ANGPTL2: variants seen among roughly 807,000 people sequenced by gnomAD.
ANGPTL2 encodes angiopoietin-related protein 2.
ANGPTL2 carries 25 observed loss-of-function variants against 52.8 expected under a neutral mutation model. The observed-to-expected ratio is 0.47, with a 90% CI of 0.35 to 0.66. The LOEUF (loss-of-function observed/expected upper bound fraction) is 0.66, where lower values mean the gene tolerates loss of function less well. Among genes scored for constraint, ANGPTL2 ranks in the 30% least tolerant of loss-of-function variants. The pLI is 0.01. For missense variants in ANGPTL2, 546 were observed against 656.9 expected, an observed-to-expected ratio of 0.83 and a Z score of 1.84; for synonymous variants, 276 against 277.4, an observed-to-expected ratio of 1.00 and a Z score of 0.05.
intron 3 of ANGPTL2, among the ~76,000 whole-genome samples, chr9:127,092,571 A>G (rs1033094865): frequency 1.3e-5 from 2 of 152,102 alleles, no homozygotes; most frequent in Non-Finnish European, 2.9e-5. Context: ...ATGTGCTGGC[A>G]CTGTTTTAAG....
intron 2 of ANGPTL2, among the ~76,000 whole-genome samples, chr9:127,100,728 T>C (rs1250849799): frequency 1.3e-5 from 2 of 152,132 alleles, no homozygotes; most frequent in African/African-American, 2.4e-5. Context: ...TGGAAGAACT[T>C]ATCAGACCCA....
At position 127,091,351 on chromosome 9, in the gene ANGPTL2, G is replaced by C. The variant is rs183229241; in HGVS notation, c.1282+319C>G. Among the ~76,000 whole-genome samples the C allele has an allele frequency of 2.0e-5, 3 of 152,332 alleles. No homozygotes were observed. In the East Asian group the frequency reaches 5.8e-4, roughly 29 times the overall value. On this transcript the variant is annotated intron_variant, in intron 4 of 4. Transcript: ENST00000373425. The surrounding 1 kb of genome is among the most constrained non-coding windows in gnomAD (Gnocchi z 4.3). ...ATACCAGGTGCCTGGGACAGAAGTG[G>C]TGAGGCCACAGCCCAACACATGTCT...
At chr9:127,114,628 C>T (rs554915076) in intron 1 of ANGPTL2, among the ~76,000 whole-genome samples, 27 of 152,346 alleles carry the variant, frequency 1.8e-4, no homozygotes, top group African/African-American at 6.5e-4. Context: ...GAACCACCCC[C>T]TCACCACCCG....
At chr9:127,119,850 C>T (rs924272399) in intron 1 of ANGPTL2, among the ~76,000 whole-genome samples, 8 of 152,230 alleles carry the variant, frequency 5.3e-5, no homozygotes, top group African/African-American at 9.6e-5. Context: ...AGCCTCTGCT[C>T]ATCCTAAGCT....
intron 1 of ANGPTL2, among the ~76,000 whole-genome samples, chr9:127,114,212 T>C (rs1030987030): frequency 1.5e-4 from 23 of 152,196 alleles, no homozygotes; most frequent in Non-Finnish European, 3.1e-4. Context: ...ATTCATAGTC[T>C]TTATGTTTTT....
At chr9:127,089,895 C>T (rs1471644269) in intron 4 of ANGPTL2, among the ~76,000 whole-genome samples, 3 of 152,176 alleles carry the variant, frequency 2.0e-5, no homozygotes, top group Admixed American at 6.5e-5. Flanking sequence ...GGGGGGTCCC[C>T]ACTTTCCTGA....
At chr9:127,099,934 G>A (rs1247817594) in intron 2 of ANGPTL2, among the ~76,000 whole-genome samples, 1 of 152,232 alleles carries the variant, frequency 6.6e-6, no homozygotes, top group Non-Finnish European at 1.5e-5. Flanking sequence ...AGGAGTTGAT[G>A]AAAATGTTTG....
At position 127,108,232 on chromosome 9, in the gene ANGPTL2, G is replaced by A. The variant is rs2137095739; in HGVS notation, c.500C>T (p.Ala167Val). 1.2e-6 allele frequency: 2 copies of A among 1,614,042 alleles called. No individual in the cohort carries two copies. The highest frequency in any genetic ancestry group is 2.2e-5 in the East Asian group (1 of 44,860). ...QLENRILNQT[A>V]DMLQLASKYK... ...CTTGCTGGCCAGCTGCAGCATGTCG[G>A]CTGTCTGGTTCAGGATCCTGTTCTC... is the stretch of plus-strand genomic sequence containing the variant. Residue 167 changes from alanine (A) to valine (V), a missense_variant, in exon 2 of 5, where the codon GCC becomes GTC. Ala to Val is a moderately conservative substitution (Grantham distance 64). Transcript: ENST00000373425.
intron 2 of ANGPTL2, chr9:127,106,808 G>A (rs1442390360): frequency 1.3e-5 from 2 of 152,272 alleles, no homozygotes; most frequent in African/African-American, 4.8e-5. Flanking sequence ...TTAGCAAGAA[G>A]CTGCTATTCC....
intron 2 of ANGPTL2, among the ~76,000 whole-genome samples, chr9:127,099,883 C>G (rs1277578018): frequency 6.6e-6 from 1 of 152,150 alleles, no homozygotes; most frequent in Non-Finnish European, 1.5e-5. Context: ...CGCTTTAGCC[C>G]TCAAACGATG....
intron 2 of ANGPTL2, among the ~76,000 whole-genome samples, chr9:127,097,003 C>T (rs1250557316): frequency 6.6e-6 from 1 of 152,184 alleles, no homozygotes; most frequent in African/African-American, 2.4e-5. Flanking sequence ...GTGTGCAGAG[C>T]TCACACACTA....
At chr9:127,108,980 TAGA>T (rs1418400737) in intron 1 of ANGPTL2, among the ~76,000 whole-genome samples, 200 bp from the exon 2 acceptor site, 2 of 151,828 alleles carry the variant, frequency 1.3e-5, no homozygotes, top group African/African-American at 4.8e-5. Flanking sequence ...CCAGCAGAGG[TAGA>T]AGGGAAGAGG....
chr9:127,099,780 T>G (rs1371294670), intron 2 of ANGPTL2, among the ~76,000 whole-genome samples: 1 of 152,262 alleles, frequency 6.6e-6, no homozygotes, highest in African/African-American at 2.4e-5. Context: ...CCAAAGGCAT[T>G]TCAGTTCCTG....
rs1249841189 is a variant in ANGPTL2, at chr9:127,088,952, T to C, written c.1469A>G (p.Asn490Ser). ...GGGGGAGCTGGCTTAGTGGAAGGTG[T>C]TGGGGTTCGGTCGGATCATCATCAC... ...KVVMMIRPNP[N>S]TFH The change falls in exon 5 of 5, where the codon AAC becomes AGC. Residue 490 changes from asparagine (N) to serine (S), a missense_variant. By Grantham distance (46) the Asn-to-Ser change is conservative. Coordinates refer to ENST00000373425, the MANE Select transcript of ANGPTL2 (RefSeq NM_012098.3). The C allele has an allele frequency of 3.7e-6, 6 of 1,614,038 alleles. No homozygotes were observed. Among genetic ancestry groups the C allele is most frequent in the Admixed American group, 1.7e-5 (1 of 60,002 alleles).
chr9:127,119,927 C>T (rs768995210), intron 1 of ANGPTL2, among the ~76,000 whole-genome samples: 45 of 152,192 alleles, frequency 3.0e-4, no homozygotes, highest in Non-Finnish European at 5.0e-4. Flanking sequence ...CTTCAGTAGC[C>T]CCAGAGGCCT....
At chr9:127,110,749 C>T (rs945928819) in intron 1 of ANGPTL2, among the ~76,000 whole-genome samples, 2 of 152,166 alleles carry the variant, frequency 1.3e-5, no homozygotes, top group African/African-American at 2.4e-5. Context: ...GCCTTTCTTT[C>T]TTTCATACCC....
intron 2 of ANGPTL2, among the ~76,000 whole-genome samples, chr9:127,097,628 C>T (rs761569367): frequency 5.3e-5 from 8 of 152,190 alleles, no homozygotes; most frequent in Non-Finnish European, 1.0e-4. Context: ...TTATGTGGCT[C>T]CTTTAAAATA....
chr9:127,094,879 T>G (rs926587223), intron 2 of ANGPTL2, among the ~76,000 whole-genome samples: 5 of 152,194 alleles, frequency 3.3e-5, no homozygotes, highest in Non-Finnish European at 5.9e-5. Flanking sequence ...CACTGGTCTT[T>G]TAGCCCTCCC....
chr9:127,117,876 G>T (rs1022557954), intron 1 of ANGPTL2, among the ~76,000 whole-genome samples: 5 of 152,222 alleles, frequency 3.3e-5, no homozygotes, highest in African/African-American at 9.6e-5. Context: ...ATCTCTTGAA[G>T]ATAAGAACAG....
Sources: allele counts gnomAD v4.1 joint callset (sites outside exome capture counted in the v4.1 genomes callset), GRCh38; gene constraint gnomAD v4.1.1; non-coding constraint Gnocchi (gnomAD v3.1); transcripts MANE v1.5; gene names NCBI Gene and HGNC (gene_info 2026-07-23, HGNC 2026-07-21).